The following DPP6 variants were observed in gnomAD, a reference collection of about 807,000 sequenced individuals.
DPP6 encodes dipeptidyl peptidase like 6, also known as A-type potassium channel modulatory protein DPP6.
Under a neutral mutation model 122.6 loss-of-function variants are expected in DPP6, and 69 were observed. The ratio of observed to expected loss-of-function variants is 0.56; its 90% CI spans 0.46 to 0.69. The LOEUF is 0.69. DPP6 is among the 30% of genes least tolerant of loss of function. The pLI, the probability that DPP6 is intolerant of heterozygous loss-of-function variation, is 0.00. For missense variants in DPP6, 928 were observed against 1,116.9 expected (o/e 0.83, Z 2.41); for synonymous variants, 418 against 433.1 (o/e 0.97, Z 0.43).
intron 1 of DPP6, among the ~76,000 whole-genome samples, chr7:153,923,537 A>C (rs10242656): frequency 6.6e-6 from 1 of 151,700 alleles, no homozygotes; most frequent in Non-Finnish European, 1.5e-5. Context: ...CAAGGCGGGC[A>C]GATCATGAGG....
rs1454626675 is a variant in DPP6, at chr7:154,668,241, G to A, written c.681-1119G>A. On this transcript the variant is annotated intron_variant, in intron 6 of 25. Transcript: ENST00000377770. ...TATAATATACACATTTTTTTTTCAAGACAGAGTTTCGCTCTGTCACCCAGG... is the reference window on the plus strand; with the variant it reads ...TATAATATACACATTTTTTTTTCAAAACAGAGTTTCGCTCTGTCACCCAGG... Among the ~76,000 whole-genome samples, 12 of 41,006 alleles carry A rather than the reference G, an allele frequency of 2.9e-4. 1 individual carries two copies. Among genetic ancestry groups the A allele is most frequent in the African/African-American group, 5.9e-4 (11 of 18,606 alleles). 26.9% of individuals were successfully genotyped at this position (41,006 alleles called of 152,430 possible).
chr7:154,431,390 G>T (rs1471471075), intron 1 of DPP6, among the ~76,000 whole-genome samples: 1 of 152,024 alleles, frequency 6.6e-6, no homozygotes, highest in African/African-American at 2.4e-5. Context: ...AGCTCCAAAG[G>T]CTCAGATAGC....
At chr7:154,504,899 T>A (rs531635336) in intron 3 of DPP6, among the ~76,000 whole-genome samples, 2 of 152,246 alleles carry the variant, frequency 1.3e-5, no homozygotes, top group South Asian at 4.1e-4. Flanking sequence ...TATATGCATA[T>A]CTGGGTCCAT....
intron 1 of DPP6, among the ~76,000 whole-genome samples, chr7:154,019,342 T>TTTTTC (rs1798584077): frequency 1.3e-5 from 2 of 152,258 alleles, no homozygotes; most frequent in East Asian, 3.9e-4. Context: ...ACCTTCTTCC[T>TTTTTC]TTTTCTTTTC....
chr7:153,887,543 A>C, exon 1 of DPP6: 1 of 922,402 alleles, frequency 1.1e-6, no homozygotes, highest in Admixed American at 2.1e-5. Flanking sequence ...GAGAAAACTG[A>C]AGACCTGGAA....
chr7:153,944,049 C>G (rs1179540922), intron 1 of DPP6, among the ~76,000 whole-genome samples: 1 of 152,154 alleles, frequency 6.6e-6, no homozygotes, highest in East Asian at 1.9e-4. Context: ...GAAATCGGTC[C>G]AAGTAACACA....
chr7:153,987,098 A>T (rs1796884384), intron 1 of DPP6, among the ~76,000 whole-genome samples: 1 of 152,164 alleles, frequency 6.6e-6, no homozygotes, highest in East Asian at 1.9e-4. Context: ...GATGTTATTT[A>T]TTATTTGGTA....
At chr7:154,117,913 T>C (rs1478544802) in intron 1 of DPP6, among the ~76,000 whole-genome samples, 1 of 152,118 alleles carries the variant, frequency 6.6e-6, no homozygotes, top group Admixed American at 6.5e-5. Flanking sequence ...ACCATGAGAC[T>C]GAGGACTGAA....
intron 1 of DPP6, among the ~76,000 whole-genome samples, chr7:154,351,605 T>C (rs6464416): frequency 0.87 from 132,265 of 152,178 alleles, 57,601 homozygotes; most frequent in East Asian, 0.94. Context: ...TAGCAGGGTG[T>C]ACCCTGTGCC....
At chr7:154,771,568 A>G (rs1434713443) in intron 9 of DPP6, among the ~76,000 whole-genome samples, 1 of 152,226 alleles carries the variant, frequency 6.6e-6, no homozygotes, top group East Asian at 1.9e-4. Context: ...GCTGCACCGT[A>G]TGAATTGAGG....
At chr7:154,787,325 T>A (rs1336889138) in intron 10 of DPP6, among the ~76,000 whole-genome samples, 1 of 152,224 alleles carries the variant, frequency 6.6e-6, no homozygotes, top group Non-Finnish European at 1.5e-5. Context: ...TGGGTTTTTT[T>A]AAAAAAATGA....
At chr7:154,803,390 TC>T in intron 13 of DPP6, among the ~76,000 whole-genome samples, 1 of 152,306 alleles carries the variant, frequency 6.6e-6, no homozygotes, top group East Asian at 1.9e-4. Context: ...GTCCAAACTG[TC>T]CTTGTCAGTG....
rs11972666 is a variant in DPP6, at chr7:154,800,665, A to G, written c.1300-690A>G. Among the ~76,000 whole-genome samples, 1,228 of 152,264 alleles carry G rather than the reference A, an allele frequency of 8.1e-3. 17 individuals are homozygous for G. The highest frequency in any genetic ancestry group is 0.028 in the African/African-American group (1,162 of 41,568). Reference sequence around the variant, plus strand: ...GGGCATGCTGATTCTGTTTCCAGGGAAAAGAGACAGTAGATCCAAGCAAGT... The same window carrying G: ...GGGCATGCTGATTCTGTTTCCAGGGGAAAGAGACAGTAGATCCAAGCAAGT... On this transcript the variant is annotated intron_variant, in intron 12 of 25. Transcript: ENST00000377770.
intron 1 of DPP6, among the ~76,000 whole-genome samples, chr7:153,890,839 G>T (rs10260333): frequency 7.3e-6 from 1 of 136,102 alleles, no homozygotes; most frequent in African/African-American, 2.8e-5. Flanking sequence ...CTACAGGCGT[G>T]CACCACCATG....
At chr7:153,966,776 T>A (rs1227503858) in intron 1 of DPP6, among the ~76,000 whole-genome samples, 1 of 151,410 alleles carries the variant, frequency 6.6e-6, no homozygotes, top group African/African-American at 2.4e-5. Context: ...AAATAAGAAA[T>A]CTCTTGGCCA....
chr7:154,522,287 C>A, intron 3 of DPP6, among the ~76,000 whole-genome samples: 1 of 152,172 alleles, frequency 6.6e-6, no homozygotes, highest in Non-Finnish European at 1.5e-5. Context: ...TTCTTATTCT[C>A]AAGATCCTGC....
At chr7:154,749,644 AAG>A (rs1477972865) in intron 8 of DPP6, among the ~76,000 whole-genome samples, 1 of 112,446 alleles carries the variant, frequency 8.9e-6, no homozygotes, top group Non-Finnish European at 1.9e-5. Context: ...TAGGACGGGA[AAG>A]AGAGGGATGG....
At chr7:154,867,853 CT>C (rs1360637463) in intron 17 of DPP6, 141 bp from the exon 18 acceptor site, 5 of 1,170,216 alleles carry the variant, frequency 4.3e-6, no homozygotes, top group Non-Finnish European at 5.5e-6. Flanking sequence ...TGCCCAGTTT[CT>C]TTTTCTGTAC....
intron 1 of DPP6, among the ~76,000 whole-genome samples, chr7:153,959,874 T>G (rs981573595): frequency 2.8e-4 from 42 of 152,236 alleles, no homozygotes; most frequent in African/African-American, 8.9e-4. Context: ...AGGCCTAGCT[T>G]TCAGCCGATC....
Sources: allele counts gnomAD v4.1 joint callset (sites outside exome capture counted in the v4.1 genomes callset), GRCh38; gene constraint gnomAD v4.1.1; transcripts MANE v1.5; gene names NCBI Gene and HGNC (gene_info 2026-07-23, HGNC 2026-07-21).